Variants in ELMO2 observed in about 807,000 individuals in gnomAD.
ELMO2 encodes the protein engulfment and cell motility protein 2.
ELMO2 carries 37 observed loss-of-function variants against 96.2 expected under a neutral mutation model. That is an observed-to-expected ratio of 0.38 (90% CI 0.30 to 0.51). ELMO2 has a LOEUF of 0.51. ELMO2 is among the 20% of genes least tolerant of loss of function. ELMO2 has a pLI of 0.88. For synonymous variants in ELMO2, 315 were observed against 329.4 expected (o/e 0.96, Z 0.47); for missense variants, 561 against 912.6 (o/e 0.61, Z 4.96).
intron 15 of ELMO2, among the ~76,000 whole-genome samples, chr20:46,374,079 A>G (rs2059794549): frequency 7.1e-6 from 1 of 140,640 alleles, no homozygotes; most frequent in South Asian, 2.3e-4. Context: ...GGCATGCACT[A>G]CCAGTTGGCT....
At chr20:46,401,465 G>C (rs958079505) in intron 1 of ELMO2, among the ~76,000 whole-genome samples, 1 of 152,174 alleles carries the variant, frequency 6.6e-6, no homozygotes, top group South Asian at 2.1e-4. Flanking sequence ...GAAGGGGTGT[G>C]GGGGCAGGGG....
At chr20:46,394,136 C>T (rs1294121185) in intron 3 of ELMO2, 47 bp from the exon 4 acceptor site, 1 of 1,547,590 alleles carries the variant, frequency 6.5e-7, no homozygotes, top group Non-Finnish European at 8.9e-7. Flanking sequence ...ACATCCTACT[C>T]ATGCCAAGGT....
At chr20:46,387,195 A>G in intron 8 of ELMO2, 143 bp downstream of exon 8, 1 of 655,384 alleles carries the variant, frequency 1.5e-6, no homozygotes, top group Non-Finnish European at 2.7e-6. Context: ...GCCACAGAAG[A>G]CTAGAGCTTG....
rs966681742 is a variant in ELMO2, at chr20:46,366,898, C to G, written c.*462G>C. The G allele has an allele frequency of 6.5e-6, 1 of 153,966 alleles. No homozygotes were observed. The highest frequency in any genetic ancestry group is 2.4e-5 in the African/African-American group (1 of 41,500). The allele number at this position is 153,966 out of a possible 1,614,324, so 9.5% of individuals were successfully genotyped here. A position where few individuals can be genotyped will look rare whatever the true frequency, so the allele number is the denominator to read the frequency against. ...CAAAAGCAAAAGCCTCAGGCTTGTA[C>G]TCAGATCTAAGATACAGGTAGTCAC... On this transcript the variant is annotated 3_prime_UTR_variant, in exon 22 of 22. Coordinates refer to ENST00000290246, the MANE Select transcript of ELMO2 (RefSeq NM_133171.5).
At chr20:46,385,713 G>A (rs918351951) in intron 9 of ELMO2, among the ~76,000 whole-genome samples, 20 of 152,114 alleles carry the variant, frequency 1.3e-4, no homozygotes, top group African/African-American at 4.3e-4. Flanking sequence ...ATCAAAACAG[G>A]GGATACAACA....
chr20:46,368,852 A>T (rs1487537238), intron 21 of ELMO2, 39 bp downstream of exon 21: 1 of 1,609,238 alleles, frequency 6.2e-7, no homozygotes, highest in South Asian at 1.1e-5. Flanking sequence ...AGAGTTACAG[A>T]AATAGCTCTG....
intron 1 of ELMO2, among the ~76,000 whole-genome samples, chr20:46,398,973 A>G (rs183149932): frequency 1.1e-4 from 16 of 152,320 alleles, no homozygotes; most frequent in Admixed American, 3.3e-4. Context: ...GGCTTTACAT[A>G]TATTAATTCA....
chr20:46,367,337 T>C lies in ELMO2; in HGVS notation c.*23A>G. 1 of 1,464,232 alleles carries C rather than the reference T, an allele frequency of 6.8e-7. No individual in the cohort carries two copies. The highest frequency in any genetic ancestry group is 9.0e-7 in the Non-Finnish European group (1 of 1,104,994). 90.7% of individuals were successfully genotyped at this position (1,464,232 alleles called of 1,614,324 possible). ...TGGGCCCAAAATCCCTTCTCCTGGG[T>C]ACCGTCGTTTCTGGCTCCAGGCTCA... On this transcript the variant is annotated 3_prime_UTR_variant, in exon 22 of 22. Transcript: ENST00000290246.
rs767468008 is a variant in ELMO2 at position 46,386,107 on chromosome 20, T to G, written c.677+17A>C. 1.9e-6 allele frequency: 3 copies of G among 1,609,034 alleles called. No individual in the cohort carries two copies. The highest frequency in any genetic ancestry group is 2.5e-6 in the Non-Finnish European group (3 of 1,176,546). On this transcript the variant is annotated intron_variant, in intron 9 of 21. Coordinates refer to ENST00000290246, the MANE Select transcript of ELMO2 (RefSeq NM_133171.5). ...ACAGACAAGTGAAGGGAGGGAGGTG[T>G]AGGGTTTTTTACTCACACCTGGAGG...
chr20:46,384,745 G>A (rs2060011979), intron 9 of ELMO2, among the ~76,000 whole-genome samples: 1 of 151,394 alleles, frequency 6.6e-6, no homozygotes, highest in African/African-American at 2.4e-5. Flanking sequence ...GACTGCTTGA[G>A]CCCAACAGTT....
At position 46,375,478 on chromosome 20, in the gene ELMO2, C is replaced by A; in HGVS notation, c.931-108G>T. On this transcript the variant is annotated intron_variant, in intron 12 of 21. Coordinates refer to ENST00000290246, the MANE Select transcript of ELMO2 (RefSeq NM_133171.5). The surrounding 1 kb of genome is among the most constrained non-coding windows in gnomAD (Gnocchi z 4.6). Reference sequence around the variant, plus strand: ...GGCCAAACTTTGGCCCCAATCAATCCCTTAGGAGGCATCACCTCTACCACA... The same window carrying A: ...GGCCAAACTTTGGCCCCAATCAATCACTTAGGAGGCATCACCTCTACCACA... The A allele has an allele frequency of 4.6e-6, 7 of 1,508,216 alleles. No individual in the cohort carries two copies. Among genetic ancestry groups the A allele is most frequent in the Non-Finnish European group, 6.3e-6 (7 of 1,114,870 alleles). 93.4% of individuals were successfully genotyped at this position (1,508,216 alleles called of 1,614,324 possible). A position where few individuals can be genotyped will look rare whatever the true frequency, so the allele number is the denominator to read the frequency against.
intron 16 of ELMO2, 132 bp downstream of exon 16, chr20:46,373,265 TCA>T (rs2059768070): frequency 3.2e-6 from 4 of 1,245,440 alleles, no homozygotes; most frequent in Non-Finnish European, 1.1e-6. Context: ...CCCCAGTGCC[TCA>T]GTCTTGTGAC....
intron 21 of ELMO2, among the ~76,000 whole-genome samples, chr20:46,367,923 A>AAAC (rs2059617374): frequency 6.6e-6 from 1 of 152,176 alleles, no homozygotes; most frequent in South Asian, 2.1e-4. Context: ...AGCAAGACAC[A>AAAC]AACAGAAGTC....
chr20:46,390,659 C>T (rs2060135163), intron 6 of ELMO2: 1 of 152,204 alleles, frequency 6.6e-6, no homozygotes, highest in African/African-American at 2.4e-5. Flanking sequence ...TCATCATTCT[C>T]TGTTTTTTGG....
chr20:46,378,368 T>G (rs2059900303), intron 11 of ELMO2, among the ~76,000 whole-genome samples: 1 of 152,228 alleles, frequency 6.6e-6, no homozygotes, highest in Admixed American at 6.5e-5. Context: ...AAATCTTTAC[T>G]TGTTCACAAG....
rs12480557 is a variant in ELMO2, at chr20:46,367,021, G to C, written c.*339C>G. 6 of 195,900 alleles carry C rather than the reference G, an allele frequency of 3.1e-5. No homozygotes were observed. Among genetic ancestry groups the C allele is most frequent in the African/African-American group, 4.7e-5 (2 of 42,832 alleles). 12.1% of individuals were successfully genotyped at this position (195,900 alleles called of 1,614,324 possible). ...TGGGGATCCAGCTGATCAGAGAGCAGGCTCAGGAGGAAAAGGTGAGTGGCT... is the reference window on the plus strand; with the variant it reads ...TGGGGATCCAGCTGATCAGAGAGCACGCTCAGGAGGAAAAGGTGAGTGGCT... On this transcript the variant is annotated 3_prime_UTR_variant, in exon 22 of 22. Transcript: ENST00000290246.
chr20:46,395,815 C>T (rs765698509), intron 2 of ELMO2, among the ~76,000 whole-genome samples: 1 of 152,240 alleles, frequency 6.6e-6, no homozygotes, highest in Non-Finnish European at 1.5e-5. Flanking sequence ...AACTAGTTTT[C>T]CAAGTGCTTT....
intron 11 of ELMO2, among the ~76,000 whole-genome samples, chr20:46,379,590 C>G (rs2059920264): frequency 6.6e-6 from 1 of 152,186 alleles, no homozygotes; most frequent in Admixed American, 6.5e-5. Context: ...CGCTACCTCT[C>G]TAGCCTCCTC....
rs1735304223 is a variant in ELMO2, at chr20:46,394,541, A to G, written c.-50-9T>C. ...AACACAGACACGGCTGCCTGGGGAG[A>G]AAGAATCAGAAAGGTGGAAAAAGAG... is the stretch of plus-strand genomic sequence containing the variant. On this transcript the variant is annotated splice_polypyrimidine_tract_variant and intron_variant, in intron 2 of 21. Coordinates refer to ENST00000290246, the MANE Select transcript of ELMO2 (RefSeq NM_133171.5). The G allele has an allele frequency of 3.2e-6, 5 of 1,551,476 alleles. No individual in the cohort carries two copies. The highest frequency in any genetic ancestry group is 2.2e-5 in the South Asian group (2 of 89,660).
Sources: allele counts gnomAD v4.1 joint callset (sites outside exome capture counted in the v4.1 genomes callset), GRCh38; gene constraint gnomAD v4.1.1; non-coding constraint Gnocchi (gnomAD v3.1); transcripts MANE v1.5; gene names NCBI Gene and HGNC (gene_info 2026-07-23, HGNC 2026-07-21).